GDPD5: variants seen among roughly 807,000 people sequenced by gnomAD.
GDPD5 encodes glycerophosphodiester phosphodiesterase 2.
Under a neutral mutation model 75.1 loss-of-function variants are expected in GDPD5, and 48 were observed. That is an observed-to-expected ratio of 0.64 (90% CI 0.51 to 0.81). GDPD5 has a LOEUF of 0.81. GDPD5 is among the 40% of genes least tolerant of loss of function. The pLI is 0.00. For missense variants in GDPD5, 706 were observed against 822.6 expected (o/e 0.86, Z 1.73); for synonymous variants, 336 against 339.0 (o/e 0.99, Z 0.10).
At chr11:75,482,687 T>C (rs1383046454) in intron 2 of GDPD5, among the ~76,000 whole-genome samples, 1 of 152,148 alleles carries the variant, frequency 6.6e-6, no homozygotes, top group Non-Finnish European at 1.5e-5. Flanking sequence ...CACTACTGCT[T>C]TTCCAGCCTT....
At chr11:75,443,431 G>T (rs2135172266) in intron 10 of GDPD5, 145 bp from the exon 11 acceptor site, 2 of 935,300 alleles carry the variant, frequency 2.1e-6, no homozygotes, top group Non-Finnish European at 3.2e-6. Context: ...CTCCCCATCT[G>T]CACAGGGAAG....
intron 15 of GDPD5, chr11:75,439,345 C>T (rs986308794): frequency 4.4e-6 from 2 of 456,178 alleles, no homozygotes; most frequent in Admixed American, 2.4e-5. Flanking sequence ...ATTACCTGAT[C>T]AAGTGATAGC....
intron 3 of GDPD5, 51 bp from the exon 4 acceptor site, chr11:75,462,940 A>C: frequency 6.9e-7 from 1 of 1,453,430 alleles, no homozygotes; most frequent in Non-Finnish European, 9.6e-7. Flanking sequence ...CCAGCCCCTT[A>C]GGCTGCCTCC....
chr11:75,487,183 G>C (rs1348559239), intron 2 of GDPD5, among the ~76,000 whole-genome samples: 1 of 152,198 alleles, frequency 6.6e-6, no homozygotes, highest in Non-Finnish European at 1.5e-5. Flanking sequence ...TCAAGACTCA[G>C]TCTATTTTCC....
intron 9 of GDPD5, 30 bp downstream of exon 9, chr11:75,448,947 G>T: frequency 6.5e-7 from 1 of 1,533,352 alleles, no homozygotes; most frequent in Non-Finnish European, 8.7e-7. Context: ...CACCCCAACG[G>T]GGCTGTTAGG....
chr11:75,443,352 G>T, intron 10 of GDPD5, 66 bp from the exon 11 acceptor site: 1 of 1,521,316 alleles, frequency 6.6e-7, no homozygotes, highest in Non-Finnish European at 8.9e-7. Context: ...ACCAATGATC[G>T]TCACCCCACA....
chr11:75,441,170 C>T lies in GDPD5; in HGVS notation c.1466G>A (p.Trp489Ter), dbSNP rs1289980830. 1.2e-6 allele frequency: 2 copies of T among 1,613,580 alleles called. No individual in the cohort carries two copies. The highest frequency in any genetic ancestry group is 2.7e-5 in the African/African-American group (2 of 74,930). Residue 489 changes from tryptophan (W) to a stop codon, truncating the protein, a stop_gained, in exon 14 of 17, where the codon TGG (tryptophan) becomes TAG (stop). Transcript: ENST00000336898. LOFTEE classifies it high-confidence loss of function. ...HALSQVPSPL[W>*]IMPPDEYCLM... ...CTCTGCCCCCCAACTCACCATGATC[C>T]AGAGGGGGGAAGGCACCTGGGACAG...
chr11:75,482,665 C>T (rs1949944953), intron 2 of GDPD5, among the ~76,000 whole-genome samples: 1 of 152,226 alleles, frequency 6.6e-6, no homozygotes, highest in African/African-American at 2.4e-5. Flanking sequence ...CAGGCAGTGA[C>T]CGGGATCTGA....
chr11:75,475,434 T>G (rs1949758252), intron 3 of GDPD5, among the ~76,000 whole-genome samples: 1 of 152,224 alleles, frequency 6.6e-6, no homozygotes, highest in South Asian at 2.1e-4. Flanking sequence ...CAGCGAAATT[T>G]CTGGAGCCCC....
intron 2 of GDPD5, among the ~76,000 whole-genome samples, chr11:75,483,220 C>T (rs1215296347): frequency 1.3e-5 from 2 of 152,170 alleles, no homozygotes; most frequent in African/African-American, 4.8e-5. Flanking sequence ...ACGCTCTCAC[C>T]TCTGAGCCTG....
intron 3 of GDPD5, 133 bp downstream of exon 3, chr11:75,477,486 G>A: frequency 2.1e-6 from 1 of 472,830 alleles, no homozygotes; most frequent in South Asian, 6.0e-5. Flanking sequence ...TACAGAGGGA[G>A]AAACTGAAAC....
chr11:75,511,983 C>T (rs1465911727), intron 1 of GDPD5, among the ~76,000 whole-genome samples: 1 of 152,174 alleles, frequency 6.6e-6, no homozygotes, highest in East Asian at 1.9e-4. Flanking sequence ...AGATTACAAA[C>T]TGTCAAGTCC....
intron 1 of GDPD5, among the ~76,000 whole-genome samples, chr11:75,514,701 G>A (rs1359660685): frequency 6.6e-6 from 1 of 152,236 alleles, no homozygotes; most frequent in Non-Finnish European, 1.5e-5. Flanking sequence ...GACAGAGGAG[G>A]GGCTCAGTCT....
Position 75,462,855 on chromosome 11 carries a change from G to A in GDPD5, c.152C>T (p.Thr51Ile). Residue 51 changes from threonine to isoleucine, a missense_variant, in exon 4 of 17, where the codon ACC becomes ATC. Transcript: ENST00000336898. ...AAGCCAGGTGAGCGTGAGGCCAAAG[G>A]TGAAGGTGAGGAGCAGGAACCAGAG... ...ERLWFLLLTF[T>I]FGLTLTWLYF... is the part of the protein sequence containing the mutation. The A allele has an allele frequency of 1.2e-6, 2 of 1,614,172 alleles. No homozygotes were observed. Among genetic ancestry groups the A allele is most frequent in the East Asian group, 2.2e-5 (1 of 44,888 alleles).
intron 3 of GDPD5, among the ~76,000 whole-genome samples, chr11:75,474,028 A>G (rs1346414994): frequency 6.6e-6 from 1 of 152,214 alleles, no homozygotes; most frequent in Non-Finnish European, 1.5e-5. Context: ...TGATTGAATA[A>G]GTAATCAGGG....
Position 75,439,963 on chromosome 11 carries a change from T to G in GDPD5, c.1474-2A>C. 6.2e-7 allele frequency: 1 copy of G among 1,611,194 alleles called. No individual in the cohort carries two copies. ...CATGAGACAGTACTCGTCCGGGGGCTGTGGACAGACGGCCCGAGGCCAACT... is the reference window on the plus strand; with the variant it reads ...CATGAGACAGTACTCGTCCGGGGGCGGTGGACAGACGGCCCGAGGCCAACT... On this transcript the variant is annotated splice_acceptor_variant, in intron 14 of 16. Transcript: ENST00000336898. LOFTEE classifies it high-confidence loss of function.
intron 1 of GDPD5, among the ~76,000 whole-genome samples, chr11:75,492,772 G>C (rs1273558189): frequency 6.6e-6 from 1 of 152,110 alleles, no homozygotes; most frequent in Non-Finnish European, 1.5e-5. Flanking sequence ...CGCTCTTGTT[G>C]CCCAGGTTAT....
At chr11:75,518,126 C>T (rs1373219354) in intron 1 of GDPD5, among the ~76,000 whole-genome samples, 2 of 152,188 alleles carry the variant, frequency 1.3e-5, no homozygotes, top group African/African-American at 2.4e-5. Context: ...CAGTCCAGCC[C>T]GGCGTCAGGT....
chr11:75,477,760 T>TGGCCCTCAGGCGCCC lies in GDPD5; in HGVS notation c.-40_-26dup, dbSNP rs1800410995. The TGGCCCTCAGGCGCCC allele has an allele frequency of 1.3e-6, 2 of 1,510,832 alleles. No homozygotes were observed. The highest frequency in any genetic ancestry group is 2.8e-5 in the African/African-American group (2 of 71,968). The allele number at this position is 1,510,832 out of a possible 1,614,324, so 93.6% of individuals were successfully genotyped here. A position where few individuals can be genotyped will look rare whatever the true frequency, so the allele number is the denominator to read the frequency against. ...TACTCGTGCCCACGGCCCTGGCGCC[T>TGGCCCTCAGGCGCCC]GGCCCTCAGGCGCCCATGGAGGCCC... On this transcript the variant is annotated 5_prime_UTR_variant, in exon 3 of 17. Coordinates refer to ENST00000336898, the MANE Select transcript of GDPD5 (RefSeq NM_030792.8).
Sources: allele counts gnomAD v4.1 joint callset (sites outside exome capture counted in the v4.1 genomes callset), GRCh38; gene constraint gnomAD v4.1.1; transcripts MANE v1.5; gene names NCBI Gene and HGNC (gene_info 2026-07-23, HGNC 2026-07-21).